Variants in MAST4 observed in about 807,000 individuals in gnomAD.
The protein encoded by MAST4 is microtubule associated serine/threonine kinase family member 4.
In MAST4, 89 loss-of-function variants were observed where a neutral mutation model predicts 162.7. That is an observed-to-expected ratio of 0.55 (90% confidence interval 0.46 to 0.65). The LOEUF is 0.65. Among genes scored for constraint, MAST4 ranks in the 30% least tolerant of loss-of-function variants. MAST4 has a pLI of 0.00. For missense variants in MAST4, 3,153 were observed against 3,374.0 expected (o/e 0.93, Z 1.62); for synonymous variants, 1,479 against 1,361.1 (o/e 1.09, Z -1.91).
At position 66,904,589 on chromosome 5, in the gene MAST4, A is replaced by G. The variant is rs142043317; in HGVS notation, c.674+4607A>G. On this transcript the variant is annotated intron_variant, in intron 4 of 28. Transcript: ENST00000403625. ...TCCGGGATCTATAAAATTATCTGCA[A>G]TTATCACTTCATTTTAGTAGAAGCA... 4.7e-3 allele frequency among the ~76,000 whole-genome samples: 718 copies of G among 152,230 alleles called. 3 individuals are homozygous for G. Among genetic ancestry groups the G allele is most frequent in the African/African-American group, 0.016 (672 of 41,530 alleles).
At chr5:67,083,173 T>C (rs1762861190) in intron 5 of MAST4, among the ~76,000 whole-genome samples, 1 of 152,232 alleles carries the variant, frequency 6.6e-6, no homozygotes, top group Non-Finnish European at 1.5e-5. Context: ...TATTATTTTA[T>C]TATGAAGCAA....
chr5:66,653,148 T>C (rs1746334657), intron 1 of MAST4, among the ~76,000 whole-genome samples: 1 of 152,214 alleles, frequency 6.6e-6, no homozygotes, highest in African/African-American at 2.4e-5. Context: ...ATATTCATCA[T>C]TAATAGCACT....
chr5:66,631,582 C>T (rs961027948), intron 1 of MAST4, among the ~76,000 whole-genome samples: 1 of 152,030 alleles, frequency 6.6e-6, no homozygotes, highest in Admixed American at 6.6e-5. Context: ...CTAGGTAATA[C>T]TTTGTGTGTA....
chr5:67,065,370 A>G (rs1760110303), intron 5 of MAST4, among the ~76,000 whole-genome samples: 1 of 152,182 alleles, frequency 6.6e-6, no homozygotes, highest in South Asian at 2.1e-4. Context: ...GTTTACTCTC[A>G]GGTTTATCTC....
intron 4 of MAST4, among the ~76,000 whole-genome samples, chr5:66,980,964 T>A (rs549405955): frequency 6.6e-6 from 1 of 152,024 alleles, no homozygotes; most frequent in African/African-American, 2.4e-5. Flanking sequence ...TGCAGGGATG[T>A]TAGCTGATCA....
rs149391537 is a variant in MAST4, at chr5:66,766,696, T to G, written c.517+6834T>G. Among the ~76,000 whole-genome samples, 601 of 152,296 alleles carry G rather than the reference T, an allele frequency of 3.9e-3. 4 individuals are homozygous for G. Among genetic ancestry groups the G allele is most frequent in the African/African-American group, 0.014 (571 of 41,560 alleles). On this transcript the variant is annotated intron_variant, in intron 2 of 28. Transcript: ENST00000403625. Reference sequence around the variant, plus strand: ...TAATTCAGATTAAAGATAATTTATATAAAGTATGGCTGTTTTATGGGTAGC... The same window carrying G: ...TAATTCAGATTAAAGATAATTTATAGAAAGTATGGCTGTTTTATGGGTAGC...
intron 3 of MAST4, among the ~76,000 whole-genome samples, chr5:66,864,084 A>G (rs1036289681): frequency 1.3e-5 from 2 of 152,256 alleles, no homozygotes; most frequent in African/African-American, 4.8e-5. Context: ...ATATTTATTG[A>G]ACACCTACTA....
chr5:67,156,280 A>G (rs1460591005), intron 26 of MAST4, among the ~76,000 whole-genome samples: 1 of 152,154 alleles, frequency 6.6e-6, no homozygotes, highest in Non-Finnish European at 1.5e-5. Flanking sequence ...ATCTGCTGGA[A>G]AGGAGTATAA....
chr5:66,789,818 A>G (rs965701410), intron 3 of MAST4: 2 of 509,288 alleles, frequency 3.9e-6, no homozygotes, highest in African/African-American at 3.9e-5. Flanking sequence ...AATTTTCCCC[A>G]AGAATCCATT....
At chr5:66,989,308 CT>C (rs1251273482) in intron 4 of MAST4, among the ~76,000 whole-genome samples, 1 of 152,158 alleles carries the variant, frequency 6.6e-6, no homozygotes, top group Non-Finnish European at 1.5e-5. Flanking sequence ...AGGCTCCTTA[CT>C]TTCCCTTCAG....
At chr5:67,029,513 G>A (rs562932744) in intron 4 of MAST4, among the ~76,000 whole-genome samples, 2 of 152,208 alleles carry the variant, frequency 1.3e-5, no homozygotes, top group East Asian at 3.9e-4. Flanking sequence ...TATATTGAGG[G>A]ACCTTACCAT....
At chr5:67,092,364 C>T (rs1489858686) in intron 6 of MAST4, among the ~76,000 whole-genome samples, 2 of 152,164 alleles carry the variant, frequency 1.3e-5, no homozygotes, top group South Asian at 2.1e-4. Context: ...TATAATGACA[C>T]AGACTTGCTT....
At chr5:66,800,725 G>A (rs1256203739) in intron 3 of MAST4, among the ~76,000 whole-genome samples, 1 of 151,948 alleles carries the variant, frequency 6.6e-6, no homozygotes, top group Non-Finnish European at 1.5e-5. Context: ...TAAATAAAAA[G>A]ACCACTAGAA....
At chr5:67,145,001 G>A (rs1313258418) in intron 22 of MAST4, 143 bp from the exon 23 acceptor site, 24 of 886,634 alleles carry the variant, frequency 2.7e-5, no homozygotes, top group Non-Finnish European at 3.8e-5. Context: ...GCTGCTGTGG[G>A]TACCACACAT....
chr5:66,922,379 A>G lies in MAST4; in HGVS notation c.674+22397A>G, dbSNP rs371672732. ...AATAGCCTCTTTCCTTTGGGAACCT[A>G]TTGTGAGCTGGTGACATGTACTGCC... On this transcript the variant is annotated intron_variant, in intron 4 of 28. Transcript: ENST00000403625. Among the ~76,000 whole-genome samples, 44 of 152,234 alleles carry G rather than the reference A, an allele frequency of 2.9e-4. 1 individual carries two copies. In the East Asian group the frequency reaches 7.3e-3, roughly 25 times the overall value.
intron 4 of MAST4, among the ~76,000 whole-genome samples, chr5:66,980,136 G>A (rs1029996188): frequency 3.9e-5 from 6 of 152,182 alleles, no homozygotes; most frequent in Admixed American, 3.3e-4. Context: ...GGCTGGGGGA[G>A]TAGATGAAAT....
intron 1 of MAST4, among the ~76,000 whole-genome samples, chr5:66,687,252 G>A (rs2149491334): frequency 6.6e-6 from 1 of 152,116 alleles, no homozygotes; most frequent in East Asian, 1.9e-4. Context: ...TCCTTATGGG[G>A]TCCACACTGT....
At chr5:67,030,548 G>C (rs1755179450) in intron 4 of MAST4, among the ~76,000 whole-genome samples, 1 of 152,174 alleles carries the variant, frequency 6.6e-6, no homozygotes, top group Non-Finnish European at 1.5e-5. Flanking sequence ...TTCCAGAGCA[G>C]GCCTGGGGCA....
At chr5:67,070,074 A>G (rs1760762151) in intron 5 of MAST4, among the ~76,000 whole-genome samples, 1 of 152,172 alleles carries the variant, frequency 6.6e-6, no homozygotes, top group Admixed American at 6.5e-5. Flanking sequence ...ACATTCCAGC[A>G]TCCTTGAAAT....
Sources: gnomAD v4.1 joint callset for allele counts (sites outside exome capture counted in the v4.1 genomes callset) on GRCh38, gnomAD v4.1.1 for gene constraint, MANE v1.5 for transcripts, NCBI Gene and HGNC (gene_info 2026-07-23, HGNC 2026-07-21) for gene names.